SORCS2: variants seen among roughly 807,000 people sequenced by gnomAD.
SORCS2 encodes the protein sortilin related VPS10 domain containing receptor 2.
Under a neutral mutation model 141.6 loss-of-function variants are expected in SORCS2, and 100 were observed. The ratio of observed to expected loss-of-function variants is 0.71; its 90% confidence interval spans 0.60 to 0.83. The LOEUF (loss-of-function observed/expected upper bound fraction) is 0.83. SORCS2 is among the 40% of genes least tolerant of loss of function. The probability of loss-of-function intolerance (pLI) is 0.00; values close to 1 mark genes in which losing one functional copy is unlikely to be tolerated. For missense variants in SORCS2, 1,646 were observed against 1,560.2 expected, an observed-to-expected ratio of 1.05 and a Z score of -0.93; for synonymous variants, 789 against 676.9, an observed-to-expected ratio of 1.17 and a Z score of -2.57.
intron 1 of SORCS2, among the ~76,000 whole-genome samples, chr4:7,227,997 G>A (rs1302464539): frequency 6.6e-6 from 1 of 152,178 alleles, no homozygotes; most frequent in African/African-American, 2.4e-5. Context: ...GGGAGCAAGC[G>A]GGAGCTCATG....
chr4:7,454,669 TGTGTTGGGGTCAGGCTCC>T, intron 2 of SORCS2, among the ~76,000 whole-genome samples: 1 of 117,384 alleles, frequency 8.5e-6, no homozygotes, highest in African/African-American at 3.4e-5. Context: ...GGTCAGGCTC[TGTGTTGGGGTCAGGCTCC>T]GTGTTGGGGT....
At chr4:7,452,626 G>A (rs371230960) in intron 2 of SORCS2, among the ~76,000 whole-genome samples, 5 of 152,344 alleles carry the variant, frequency 3.3e-5, no homozygotes, top group African/African-American at 7.2e-5. Flanking sequence ...ACGAGGGCAC[G>A]GGCAATGTCC....
At chr4:7,376,974 G>A (rs139786539) in intron 1 of SORCS2, among the ~76,000 whole-genome samples, 278 of 146,802 alleles carry the variant, frequency 1.9e-3, no homozygotes, top group Admixed American at 3.1e-3. Context: ...CCTGAAGACC[G>A]GCTCTGCACT....
At chr4:7,433,120 C>G (rs1374850054) in intron 2 of SORCS2, 5 of 503,466 alleles carry the variant, frequency 9.9e-6, no homozygotes, top group African/African-American at 2.0e-5. Flanking sequence ...GAGATGCTTT[C>G]AAGGGCAAAG....
intron 3 of SORCS2, among the ~76,000 whole-genome samples, chr4:7,629,071 C>T (rs551830860): frequency 3.3e-4 from 50 of 152,112 alleles, no homozygotes; most frequent in African/African-American, 9.4e-4. Flanking sequence ...TCCCTTCCCT[C>T]GCTGTTTTGA....
intron 1 of SORCS2, among the ~76,000 whole-genome samples, chr4:7,376,572 G>A (rs1250308240): frequency 6.6e-6 from 1 of 152,208 alleles, no homozygotes; most frequent in East Asian, 1.9e-4. Flanking sequence ...GCAAGACTCT[G>A]TCTCAAAACA....
chr4:7,222,975 C>T (rs556219363), intron 1 of SORCS2, among the ~76,000 whole-genome samples: 20 of 152,212 alleles, frequency 1.3e-4, no homozygotes, highest in East Asian at 7.7e-4. Context: ...CTGGCTGCGT[C>T]GGTGGAGGGA....
intron 2 of SORCS2, among the ~76,000 whole-genome samples, chr4:7,400,153 T>G (rs1577501826): frequency 7.0e-6 from 1 of 143,498 alleles, no homozygotes. Context: ...CACCCCCGGC[T>G]CCTACCCCAT....
At chr4:7,708,994 C>G (rs1270708245) in intron 14 of SORCS2, among the ~76,000 whole-genome samples, 1 of 152,230 alleles carries the variant, frequency 6.6e-6, no homozygotes, top group East Asian at 1.9e-4. Flanking sequence ...CAGTCTCGTG[C>G]CCCCGGAGGC....
intron 1 of SORCS2, among the ~76,000 whole-genome samples, chr4:7,256,575 G>T (rs1713887678): frequency 6.6e-6 from 1 of 151,206 alleles, no homozygotes; most frequent in African/African-American, 2.4e-5. Flanking sequence ...AGGAACTGGG[G>T]GATTACAGAG....
intron 2 of SORCS2, among the ~76,000 whole-genome samples, chr4:7,473,452 C>G (rs28361965): frequency 0.15 from 22,065 of 151,782 alleles, 2,261 homozygotes; most frequent in African/African-American, 0.27. Context: ...CTTCACCCTG[C>G]GGTTGGGAAG....
intron 1 of SORCS2, among the ~76,000 whole-genome samples, chr4:7,224,471 A>ATCTGGGCT (rs71646691): frequency 6.6e-6 from 1 of 151,988 alleles, no homozygotes; most frequent in Non-Finnish European, 1.5e-5. Flanking sequence ...AAACCTCGCC[A>ATCTGGGCT]TCTGGCCTTT....
At chr4:7,376,331 C>CT (rs1177657728) in intron 1 of SORCS2, among the ~76,000 whole-genome samples, 1 of 151,202 alleles carries the variant, frequency 6.6e-6, no homozygotes, top group African/African-American at 2.4e-5. Context: ...AATCCCAGCA[C>CT]TTTGGGAAGC....
intron 1 of SORCS2, among the ~76,000 whole-genome samples, chr4:7,334,899 A>G (rs1254487840): frequency 6.6e-6 from 1 of 152,110 alleles, no homozygotes; most frequent in African/African-American, 2.4e-5. Flanking sequence ...GAGTGTCAGT[A>G]TCAGGCATCT....
At chr4:7,480,016 C>T (rs1730534788) in intron 2 of SORCS2, among the ~76,000 whole-genome samples, 1 of 152,244 alleles carries the variant, frequency 6.6e-6, no homozygotes, top group Non-Finnish European at 1.5e-5. Flanking sequence ...TGCTTAGGCA[C>T]CTGCCAGCCT....
intron 26 of SORCS2, among the ~76,000 whole-genome samples, chr4:7,738,217 A>G (rs1712356062): frequency 6.6e-6 from 1 of 152,156 alleles, no homozygotes; most frequent in African/African-American, 2.4e-5. Flanking sequence ...AGGCTCTGAG[A>G]CTTGCCAGAG....
At chr4:7,232,916 A>C (rs1712001919) in intron 1 of SORCS2, among the ~76,000 whole-genome samples, 1 of 152,054 alleles carries the variant, frequency 6.6e-6, no homozygotes, top group African/African-American at 2.4e-5. Flanking sequence ...ACCCTTGGGG[A>C]GTGTTTGGTC....
In SORCS2 at chr4:7,237,776, G is replaced by A. The variant is rs188293289; in HGVS notation, c.480+44650G>A. Among the ~76,000 whole-genome samples, 18 of 152,078 alleles carry A rather than the reference G, an allele frequency of 1.2e-4. No homozygotes were observed. The East Asian group carries it at 3.5e-3, about 29-fold the overall frequency. On this transcript the variant is annotated intron_variant, in intron 1 of 26. Transcript: ENST00000507866. Reference sequence around the variant, plus strand: ...AGATCCTGATTGACAAAGCTCTTTGGAACAGGCAGAACGATGGGCCCAAGG... The same window carrying A: ...AGATCCTGATTGACAAAGCTCTTTGAAACAGGCAGAACGATGGGCCCAAGG...
At chr4:7,467,414 C>T (rs1322132168) in intron 2 of SORCS2, among the ~76,000 whole-genome samples, 2 of 152,160 alleles carry the variant, frequency 1.3e-5, no homozygotes, top group African/African-American at 4.8e-5. Flanking sequence ...GTTGGGTGAT[C>T]AAGGAGGTGG....
Sources: allele counts gnomAD v4.1 joint callset (sites outside exome capture counted in the v4.1 genomes callset), GRCh38; gene constraint gnomAD v4.1.1; transcripts MANE v1.5; gene names NCBI Gene and HGNC (gene_info 2026-07-23, HGNC 2026-07-21).